TFAP2A: variants seen among roughly 807,000 people sequenced by gnomAD.
The protein encoded by TFAP2A is transcription factor AP-2-alpha.
A neutral mutation model predicts 41.5 loss-of-function variants in TFAP2A; 7 were observed. The ratio of observed to expected loss-of-function variants is 0.17; its 90% CI spans 0.10 to 0.32. The LOEUF is 0.32. TFAP2A is among the 10% of genes least tolerant of loss of function. The pLI, the probability that TFAP2A is intolerant of heterozygous loss-of-function variation, is 1.00. For synonymous variants in TFAP2A, 247 were observed against 242.8 expected (o/e 1.02, Z -0.16); for missense variants, 416 against 563.3 (o/e 0.74, Z 2.65).
intron 2 of TFAP2A, 179 bp downstream of exon 2, chr6:10,409,722 C>T: frequency 5.6e-6 from 4 of 709,854 alleles, no homozygotes; most frequent in Non-Finnish European, 7.0e-6. Flanking sequence ...GGGTAGAACT[C>T]GCAACTACTT....
upstream of TFAP2A, among the ~76,000 whole-genome samples, chr6:10,417,393 G>T (rs548764743): frequency 1.7e-4 from 26 of 152,324 alleles, no homozygotes; most frequent in African/African-American, 5.8e-4. Flanking sequence ...CTGGACTGCC[G>T]CCCCCGGTGT....
chr6:10,414,522 G>C, intron 1 of TFAP2A: 1 of 330,972 alleles, frequency 3.0e-6, no homozygotes, highest in Non-Finnish European at 5.8e-6. Flanking sequence ...AAAGATCGGA[G>C]AGGAAGTTCA....
rs147713410 is a variant in TFAP2A at position 10,397,678 on chromosome 6, A to C, written c.*739T>G. The C allele has an allele frequency of 6.9e-3, 1,572 of 227,398 alleles. 53 individuals are homozygous for C. The highest frequency in any genetic ancestry group is 0.062 in the Admixed American group (946 of 15,354). The allele number at this position is 227,398 out of a possible 1,614,324, so 14.1% of individuals were successfully genotyped here. A position where few individuals can be genotyped will look rare whatever the true frequency, so the allele number is the denominator to read the frequency against. ...AGATAAATAAAAAAAAAAAGGCTTA[A>C]AACAGACTCACCATATTTACAATTC... On this transcript the variant is annotated 3_prime_UTR_variant, in exon 7 of 7. Coordinates refer to ENST00000379613, the MANE Select transcript of TFAP2A (RefSeq NM_001372066.1).
At chr6:10,411,303 G>A (rs1266623053) in intron 1 of TFAP2A, among the ~76,000 whole-genome samples, 2 of 152,240 alleles carry the variant, frequency 1.3e-5, no homozygotes, top group East Asian at 3.9e-4. Flanking sequence ...GATGAACGTG[G>A]GGAGAAACAC....
chr6:10,402,551 T>C lies in TFAP2A; in HGVS notation c.830A>G (p.Asn277Ser), dbSNP rs1304000210. ...LREKLDKIGL[N>S]LPAGRRKAAN... ...AGCTTTACGTCTCCCTGCAGGCAGA[T>C]TTAATCCTATTTTGTCCAGTTTTTC... Residue 277 changes from asparagine (N) to serine (S), a missense_variant, in exon 5 of 7, where the codon AAT becomes AGT. Physicochemically the swap from Asn to Ser is conservative, Grantham distance 46 (BLOSUM62 1). Around this residue, in one of 3 missense-constraint regions of TFAP2A, gnomAD observed 59 missense variants for 135.4 expected, o/e 0.44. Transcript: ENST00000379613. 1 of 1,614,188 alleles carries C rather than the reference T, an allele frequency of 6.2e-7. No homozygotes were observed. Among genetic ancestry groups the C allele is most frequent in the Non-Finnish European group, 8.5e-7 (1 of 1,180,018 alleles).
chr6:10,398,321 G>C lies in TFAP2A; in HGVS notation c.*96C>G. ...GGCAGCAGCAGCAGCAGTAGCAGCA[G>C]CAGGAAGGGTTGCTGATCCCGGAGC... On this transcript the variant is annotated 3_prime_UTR_variant, in exon 7 of 7. Coordinates refer to ENST00000379613, the MANE Select transcript of TFAP2A (RefSeq NM_001372066.1). The surrounding 1 kb of genome is among the most constrained non-coding windows in gnomAD (Gnocchi z 5.3). 6.2e-7 allele frequency: 1 copy of C among 1,603,496 alleles called. No homozygotes were observed. The highest frequency in any genetic ancestry group is 8.5e-7 in the Non-Finnish European group (1 of 1,176,680).
rs367736304 is a variant in TFAP2A, at chr6:10,404,492, C to A, written c.770+16G>T. The A allele has an allele frequency of 1.9e-5, 30 of 1,543,978 alleles. No homozygotes were observed. The African/African-American group carries it at 3.7e-4, about 19-fold the overall frequency. On this transcript the variant is annotated intron_variant, in intron 4 of 6. Transcript: ENST00000379613. The stretch of plus-strand genomic sequence containing the variant: ...CGGCCGCGGGGCGGGGCGGGCGGGG[C>A]CGTGCCGGGCCTCACCTCCGGAGCA...
chr6:10,397,393 C>T lies in TFAP2A; in HGVS notation c.*1024G>A, dbSNP rs896012283. 7 of 152,016 alleles carry T rather than the reference C, an allele frequency of 4.6e-5. No homozygotes were observed. The highest frequency in any genetic ancestry group is 7.2e-5 in the African/African-American group (3 of 41,382). The allele number at this position is 152,016 out of a possible 1,614,324, so 9.4% of individuals were successfully genotyped here. On this transcript the variant is annotated 3_prime_UTR_variant, in exon 7 of 7. Transcript: ENST00000379613. ...AAACCACTCAAGTTTCAAAATCTTT[C>T]CAGGGTCCAATATCACTTTTTTTCT...
intron 1 of TFAP2A, chr6:10,410,867 A>T: frequency 6.2e-6 from 1 of 161,514 alleles, no homozygotes; most frequent in Non-Finnish European, 1.4e-5. Flanking sequence ...TACCAGCTTA[A>T]AGAAGGTTTT....
At chr6:10,400,694 C>T in intron 5 of TFAP2A, 105 bp from the exon 6 acceptor site, 1 of 1,312,076 alleles carries the variant, frequency 7.6e-7, no homozygotes, top group Non-Finnish European at 1.1e-6. Flanking sequence ...CCAGATGTTG[C>T]AGGAAACACA....
In TFAP2A at chr6:10,410,045, C is replaced by T. The variant is rs138225261; in HGVS notation, c.342G>A (p.Arg114=). ...SQESGLLHTH[R]GLPHQLSGLD... ...GGCCCGACAGCTGGTGAGGCAGCCC[C>T]CGGTGCGTGTGCAGGAGCCCAGACT... Residue 114 remains arginine, a synonymous_variant, in exon 2 of 7, where the codon CGG becomes CGA. Coordinates refer to ENST00000379613, the MANE Select transcript of TFAP2A (RefSeq NM_001372066.1). 22 of 1,612,896 alleles carry T rather than the reference C, an allele frequency of 1.4e-5. No homozygotes were observed. In the African/African-American group the frequency reaches 2.0e-4, roughly 15 times the overall value.
rs1163314557 is a variant in TFAP2A, at chr6:10,404,582, C to G, written c.696G>C (p.Thr232=). Residue 232 remains threonine, a synonymous_variant, in exon 4 of 7, where the codon ACG becomes ACC. Transcript: ENST00000379613. ...AGAGCCGCCGCTGCACTTCCGCCAC[C>G]GTGACCTTGTACTTCGAGGTGGAGC... ...LLSSTSKYKV[T]VAEVQRRLSP... is the part of the protein sequence containing the mutation. The G allele has an allele frequency of 6.2e-7, 1 of 1,614,150 alleles. No homozygotes were observed. The highest frequency in any genetic ancestry group is 1.1e-5 in the South Asian group (1 of 91,088).
At position 10,398,310 on chromosome 6, in the gene TFAP2A, C is replaced by CAGT. The variant is rs1212463749; in HGVS notation, c.*104_*106dup. ...GCGGCGGCGGCGGCAGCAGCAGCAG[C>CAGT]AGTAGCAGCAGCAGGAAGGGTTGCT... On this transcript the variant is annotated 3_prime_UTR_variant, in exon 7 of 7. Transcript: ENST00000379613. This position sits in a 1 kb window ranked among gnomAD's most constrained non-coding sequence, Gnocchi z 5.3. The CAGT allele has an allele frequency of 1.9e-6, 3 of 1,590,412 alleles. No homozygotes were observed. The highest frequency in any genetic ancestry group is 1.7e-5 in the Admixed American group (1 of 57,298).
intron 4 of TFAP2A, among the ~76,000 whole-genome samples, chr6:10,403,549 C>T (rs1757518341): frequency 6.6e-6 from 1 of 152,108 alleles, no homozygotes; most frequent in Non-Finnish European, 1.5e-5. Context: ...GTGGGTCTAT[C>T]AACACATAAG....
chr6:10,406,734 C>G (rs1757732693), intron 3 of TFAP2A, 59 bp downstream of exon 3: 2 of 1,443,976 alleles, frequency 1.4e-6, no homozygotes, highest in Non-Finnish European at 2.0e-6. Context: ...TCTGCAAGTT[C>G]TTTTAAATAG....
chr6:10,411,182 G>A (rs1757952214), intron 1 of TFAP2A, among the ~76,000 whole-genome samples: 1 of 152,092 alleles, frequency 6.6e-6, no homozygotes. Flanking sequence ...CGGCGGTTCG[G>A]CCGCAGGTCC....
Position 10,404,561 on chromosome 6 carries a change from C to G in TFAP2A, c.717G>C (p.Arg239=). The change falls in exon 4 of 7, where the codon CGG becomes CGC. Residue 239 remains arginine (R), a synonymous_variant. Transcript: ENST00000379613. ...YKVTVAEVQR[R]LSPPECLNAS... ...CGTTGAGACACTCGGGTGGTGAGAG[C>G]CGCCGCTGCACTTCCGCCACCGTGA... The G allele has an allele frequency of 6.2e-7, 1 of 1,613,846 alleles. No homozygotes were observed. The highest frequency in any genetic ancestry group is 8.5e-7 in the Non-Finnish European group (1 of 1,179,884).
At position 10,398,242 on chromosome 6, in the gene TFAP2A, G is replaced by T; in HGVS notation, c.*175C>A. The T allele has an allele frequency of 6.6e-7, 1 of 1,506,696 alleles. No individual in the cohort carries two copies. The highest frequency in any genetic ancestry group is 2.4e-5 in the East Asian group (1 of 41,852). The allele number at this position is 1,506,696 out of a possible 1,614,324, so 93.3% of individuals were successfully genotyped here. A position where few individuals can be genotyped will look rare whatever the true frequency, so the allele number is the denominator to read the frequency against. ...GAGAGGCTGCCCCACTGACAGTCGA[G>T]AGGGCAGTCCCGGAGACTCGGGGGG... On this transcript the variant is annotated 3_prime_UTR_variant, in exon 7 of 7. Transcript: ENST00000379613. This position sits in a 1 kb window ranked among gnomAD's most constrained non-coding sequence, Gnocchi z 5.3.
At chr6:10,415,438 C>T (rs192725967), upstream of TFAP2A, 70 of 327,556 alleles carry the variant, frequency 2.1e-4, no homozygotes, top group Non-Finnish European at 3.4e-4. Context: ...AGCCTGCGAA[C>T]TGATAAAACC....
Sources: allele counts gnomAD v4.1 joint callset (sites outside exome capture counted in the v4.1 genomes callset), GRCh38; gene constraint gnomAD v4.1.1; regional missense constraint gnomAD v4.1.1; non-coding constraint Gnocchi (gnomAD v3.1); transcripts MANE v1.5; gene names NCBI Gene and HGNC (gene_info 2026-07-23, HGNC 2026-07-21).